Variants in MECOM observed in about 807,000 individuals in gnomAD.
MECOM encodes MDS1 and EVI1 complex locus, also known as histone-lysine N-methyltransferase MECOM.
MECOM carries 13 observed loss-of-function variants against 116.3 expected under a neutral mutation model. That is an observed-to-expected ratio of 0.11 (90% CI 0.07 to 0.18). The LOEUF (loss-of-function observed/expected upper bound fraction) is 0.18. Among genes scored for constraint, MECOM ranks in the 10% least tolerant of loss-of-function variants. MECOM has a pLI of 1.00. For synonymous variants in MECOM, 528 were observed against 535.2 expected (o/e 0.99, Z 0.19); for missense variants, 1,299 against 1,509.0 (o/e 0.86, Z 2.31).
At chr3:169,364,504 C>T (rs1032152431) in intron 2 of MECOM, among the ~76,000 whole-genome samples, 1 of 151,986 alleles carries the variant, frequency 6.6e-6, no homozygotes, top group African/African-American at 2.4e-5. Flanking sequence ...CTTAAAGAAA[C>T]ATGCCCAAAC....
At chr3:169,180,794 G>GATATATAGATATATATAT (rs10637895) in intron 2 of MECOM, among the ~76,000 whole-genome samples, 14 of 108,794 alleles carry the variant, frequency 1.3e-4, no homozygotes, top group African/African-American at 3.5e-4. Context: ...GTGTGGAGAT[G>GATATATAGATATATATAT]ATATATATAT....
At chr3:169,643,880 A>G (rs1773804979) in intron 1 of MECOM, among the ~76,000 whole-genome samples, 1 of 152,184 alleles carries the variant, frequency 6.6e-6, no homozygotes, top group South Asian at 2.1e-4. Context: ...TCAACTAGAG[A>G]TACTCAACTC....
At chr3:169,301,823 T>C (rs1716772701) in intron 2 of MECOM, among the ~76,000 whole-genome samples, 1 of 152,166 alleles carries the variant, frequency 6.6e-6, no homozygotes, top group African/African-American at 2.4e-5. Flanking sequence ...TATAGCCTAT[T>C]CTGTAAAATT....
chr3:169,175,606 A>G (rs1559953732), intron 2 of MECOM, among the ~76,000 whole-genome samples: 1 of 152,204 alleles, frequency 6.6e-6, no homozygotes, highest in Non-Finnish European at 1.5e-5. Flanking sequence ...CTCAACCTGT[A>G]TTATTTCCCA....
chr3:169,618,222 C>A (rs1257996575), intron 1 of MECOM, among the ~76,000 whole-genome samples: 1 of 152,196 alleles, frequency 6.6e-6, no homozygotes, highest in African/African-American at 2.4e-5. Flanking sequence ...GAAGGCCCAA[C>A]AAATAGGTGT....
At chr3:169,199,650 G>A (rs1253511954) in intron 2 of MECOM, among the ~76,000 whole-genome samples, 4 of 151,878 alleles carry the variant, frequency 2.6e-5, no homozygotes, top group Non-Finnish European at 4.4e-5. Flanking sequence ...TGTGAGTTAC[G>A]TTACACATGC....
At chr3:169,183,757 T>TACAC (rs1746301748) in intron 2 of MECOM, among the ~76,000 whole-genome samples, 25 of 84,558 alleles carry the variant, frequency 3.0e-4, no homozygotes, top group East Asian at 1.3e-3. Flanking sequence ...AGAAGATACA[T>TACAC]ACATACACAC....
intron 2 of MECOM, among the ~76,000 whole-genome samples, chr3:169,365,338 G>A (rs746994756): frequency 2.0e-5 from 3 of 151,996 alleles, no homozygotes; most frequent in Non-Finnish European, 2.9e-5. Flanking sequence ...TACTTCCCTG[G>A]GCTAGTATAG....
chr3:169,265,080 T>C (rs1360257862), intron 2 of MECOM, among the ~76,000 whole-genome samples: 2 of 152,188 alleles, frequency 1.3e-5, no homozygotes, highest in Non-Finnish European at 2.9e-5. Flanking sequence ...ATTCTTGATA[T>C]ATAAATCAAC....
At chr3:169,238,045 G>C (rs11717377) in intron 2 of MECOM, among the ~76,000 whole-genome samples, 12,036 of 151,658 alleles carry the variant, frequency 0.079, 678 homozygotes, top group East Asian at 0.31. Context: ...TGTGGTGGTA[G>C]GTGCCTGTAA....
At chr3:169,461,532 C>T (rs894838674) in intron 1 of MECOM, among the ~76,000 whole-genome samples, 2 of 152,016 alleles carry the variant, frequency 1.3e-5, no homozygotes, top group African/African-American at 2.4e-5. Flanking sequence ...GGTCATTTAG[C>T]CAATAAATAG....
chr3:169,399,551 T>A (rs1309881036), intron 1 of MECOM, among the ~76,000 whole-genome samples: 1 of 152,210 alleles, frequency 6.6e-6, no homozygotes, highest in Non-Finnish European at 1.5e-5. Flanking sequence ...GCTTGCTGCT[T>A]GCAAATGTGC....
intron 2 of MECOM, among the ~76,000 whole-genome samples, chr3:169,155,010 T>C (rs1465662332): frequency 6.6e-6 from 1 of 152,216 alleles, no homozygotes; most frequent in East Asian, 1.9e-4. Context: ...CTTGTCCTCC[T>C]AAGGACCATT....
chr3:169,356,674 C>CT (rs1159633606), intron 2 of MECOM, among the ~76,000 whole-genome samples: 24 of 152,046 alleles, frequency 1.6e-4, no homozygotes, highest in African/African-American at 5.5e-4. Context: ...CTCAGCAATG[C>CT]TGGAAAATGT....
intron 2 of MECOM, among the ~76,000 whole-genome samples, chr3:169,320,387 T>C (rs1313695698): frequency 1.3e-5 from 2 of 152,136 alleles, no homozygotes; most frequent in African/African-American, 2.4e-5. Flanking sequence ...GTTGAAGACA[T>C]ACAGAGAGAA....
Position 169,228,210 on chromosome 3 carries a change from T to C in MECOM, c.376-84378A>G, listed in dbSNP as rs151166729. On this transcript the variant is annotated intron_variant, in intron 2 of 16. Transcript: ENST00000651503. ...TCTACCACAGATTTGGCTAAACAGA[T>C]GATTTTCTTAAAAAGAATTATCTCT... Among the ~76,000 whole-genome samples the C allele has an allele frequency of 1.6e-3, 246 of 152,346 alleles. 1 individual carries two copies. The highest frequency in any genetic ancestry group is 5.6e-3 in the African/African-American group (234 of 41,588).
At chr3:169,526,469 T>G (rs1757980683) in intron 1 of MECOM, among the ~76,000 whole-genome samples, 1 of 152,144 alleles carries the variant, frequency 6.6e-6, no homozygotes, top group African/African-American at 2.4e-5. Context: ...AAACCACATG[T>G]TTACTTAAAG....
At chr3:169,093,645 T>C (rs928901109) in intron 13 of MECOM, among the ~76,000 whole-genome samples, 5 of 152,196 alleles carry the variant, frequency 3.3e-5, no homozygotes, top group Non-Finnish European at 7.3e-5. Flanking sequence ...TGGTGCAGTA[T>C]TAAAAGGACA....
chr3:169,253,572 A>G (rs1756503527), intron 2 of MECOM, among the ~76,000 whole-genome samples: 1 of 152,232 alleles, frequency 6.6e-6, no homozygotes, highest in African/African-American at 2.4e-5. Flanking sequence ...AATGAAAAGT[A>G]TAAGATACAT....
Sources: allele counts gnomAD v4.1 joint callset (sites outside exome capture counted in the v4.1 genomes callset), GRCh38; gene constraint gnomAD v4.1.1; transcripts MANE v1.5; gene names NCBI Gene and HGNC (gene_info 2026-07-23, HGNC 2026-07-21).